EPC1: variants seen among roughly 807,000 people sequenced by gnomAD.
The protein encoded by EPC1 is enhancer of polycomb homolog 1.
A neutral mutation model predicts 98.4 loss-of-function variants in EPC1; 12 were observed. That is an observed-to-expected ratio of 0.12 (90% CI 0.08 to 0.20). The LOEUF (loss-of-function observed/expected upper bound fraction) is 0.20, where lower values mean the gene tolerates loss of function less well. EPC1 is among the 10% of genes least tolerant of loss of function. The pLI is 1.00. For synonymous variants in EPC1, 357 were observed against 363.9 expected (o/e 0.98, Z 0.21); for missense variants, 729 against 990.5 (o/e 0.74, Z 3.54).
chr10:32,360,755 G>T (rs771263542), intron 1 of EPC1, among the ~76,000 whole-genome samples: 10 of 152,098 alleles, frequency 6.6e-5, no homozygotes, highest in Admixed American at 5.9e-4. Flanking sequence ...TTAGCCAGGC[G>T]CAGTGGCCTG....
chr10:32,274,865 CAT>C (rs749889182), intron 10 of EPC1, among the ~76,000 whole-genome samples: 4 of 152,082 alleles, frequency 2.6e-5, no homozygotes, highest in Non-Finnish European at 4.4e-5. Flanking sequence ...CAAATAATTT[CAT>C]AGTTAATATT....
rs537047217 is a variant in EPC1, at chr10:32,338,887, G to A, written c.153+7876C>T. On this transcript the variant is annotated intron_variant, in intron 1 of 13. Coordinates refer to ENST00000319778, the MANE Select transcript of EPC1 (RefSeq NM_001272004.3). Reference sequence around the variant, plus strand: ...CAGGAGGCTGAGGCTGCAATGAGCCGAGATCACACCACTACACTCCAGCCT... The same window carrying A: ...CAGGAGGCTGAGGCTGCAATGAGCCAAGATCACACCACTACACTCCAGCCT... Among the ~76,000 whole-genome samples, 11 of 149,322 alleles carry A rather than the reference G, an allele frequency of 7.4e-5. No individual in the cohort carries two copies. The South Asian group carries it at 1.3e-3, about 17-fold the overall frequency.
In EPC1 at chr10:32,293,852, T is replaced by C. The variant is rs562000943; in HGVS notation, c.314-115A>G. 4.0e-5 allele frequency: 42 copies of C among 1,059,296 alleles called. No individual in the cohort carries two copies. The African/African-American group carries it at 5.8e-4, about 15-fold the overall frequency. The allele number at this position is 1,059,296 out of a possible 1,614,324, so 65.6% of individuals were successfully genotyped here. A position where few individuals can be genotyped will look rare whatever the true frequency, so the allele number is the denominator to read the frequency against. ...TTCTAAAGAAATAAGAAAGAATTCT[T>C]GGATTTTGTTTTCAGAGTCGCAAAC... On this transcript the variant is annotated intron_variant, in intron 2 of 13. Transcript: ENST00000319778.
At chr10:32,313,536 G>C (rs531258447) in intron 1 of EPC1, among the ~76,000 whole-genome samples, 1 of 152,326 alleles carries the variant, frequency 6.6e-6, no homozygotes, top group African/African-American at 2.4e-5. Context: ...TTTATCAGTG[G>C]AGAAAGTGAC....
intron 1 of EPC1, among the ~76,000 whole-genome samples, chr10:32,313,923 G>C (rs67619691): frequency 0.11 from 16,199 of 151,902 alleles, 945 homozygotes; most frequent in Admixed American, 0.13. Context: ...AAAGAGAAGA[G>C]GGAATAGAGG....
At chr10:32,345,694 C>T in intron 1 of EPC1, 1 of 908,010 alleles carries the variant, frequency 1.1e-6, no homozygotes. Flanking sequence ...GGTAAAGCCA[C>T]AGCGATGGTA....
chr10:32,281,319 C>T (rs1836400027), intron 10 of EPC1, among the ~76,000 whole-genome samples: 1 of 152,170 alleles, frequency 6.6e-6, no homozygotes, highest in Admixed American at 6.6e-5. Context: ...GCTGGGATTA[C>T]AGGCATGACC....
chr10:32,273,940 A>G (rs1217221169), intron 10 of EPC1: 1 of 152,142 alleles, frequency 6.6e-6, no homozygotes, highest in African/African-American at 2.4e-5. Flanking sequence ...AATCCAGTCA[A>G]TAAGAACGGA....
At chr10:32,280,608 G>A (rs183580678) in intron 10 of EPC1, among the ~76,000 whole-genome samples, 6 of 152,174 alleles carry the variant, frequency 3.9e-5, no homozygotes, top group East Asian at 3.9e-4. Flanking sequence ...GCATGGTGGC[G>A]GGTGCCTGTA....
At chr10:32,282,969 T>C (rs866141976) in intron 10 of EPC1, 2 of 152,352 alleles carry the variant, frequency 1.3e-5, no homozygotes, top group Middle Eastern at 3.4e-3. Flanking sequence ...CTTAAGACTA[T>C]AAAAGTAGAG....
intron 1 of EPC1, among the ~76,000 whole-genome samples, chr10:32,343,737 A>G (rs1385104143): frequency 6.6e-6 from 1 of 151,796 alleles, no homozygotes; most frequent in East Asian, 1.9e-4. Context: ...TGTTTCTTAA[A>G]AAGTCTGCCT....
At chr10:32,308,491 C>T (rs1039524243) in intron 1 of EPC1, among the ~76,000 whole-genome samples, 29 of 152,198 alleles carry the variant, frequency 1.9e-4, no homozygotes, top group Non-Finnish European at 3.5e-4. Context: ...AACAAATTCA[C>T]CTTTGTCAGG....
At chr10:32,303,960 C>T (rs1014785450) in intron 2 of EPC1, among the ~76,000 whole-genome samples, 3 of 152,204 alleles carry the variant, frequency 2.0e-5, no homozygotes, top group South Asian at 4.1e-4. Flanking sequence ...TACAGGGCAG[C>T]TAACACAAAT....
At chr10:32,339,832 G>C (rs1838224132) in intron 1 of EPC1, among the ~76,000 whole-genome samples, 1 of 152,162 alleles carries the variant, frequency 6.6e-6, no homozygotes, top group Non-Finnish European at 1.5e-5. Flanking sequence ...GAAATGCAGA[G>C]ACTAAAGTTC....
intron 1 of EPC1, among the ~76,000 whole-genome samples, chr10:32,373,601 A>G (rs1340931246): frequency 6.6e-6 from 1 of 152,150 alleles, no homozygotes; most frequent in Admixed American, 6.5e-5. Context: ...AATGAGCTCT[A>G]AGAAACACTG....
At position 32,268,770 on chromosome 10, in the gene EPC1, G is replaced by A. The variant is rs1435917170; in HGVS notation, c.*293C>T. ...TTTCCCTCCCACCCCCCACCCCCAA[G>A]TGCAAAGCATCACAAATGAACATTT... On this transcript the variant is annotated 3_prime_UTR_variant, in exon 14 of 14. Coordinates refer to ENST00000319778, the MANE Select transcript of EPC1 (RefSeq NM_001272004.3). 2 of 115,828 alleles carry A rather than the reference G, an allele frequency of 1.7e-5. No homozygotes were observed. The highest frequency in any genetic ancestry group is 3.5e-5 in the African/African-American group (1 of 28,444). 7.2% of individuals were successfully genotyped at this position (115,828 alleles called of 1,614,324 possible).
intron 1 of EPC1, among the ~76,000 whole-genome samples, chr10:32,329,140 G>A (rs759136949): frequency 4.6e-5 from 7 of 152,192 alleles, no homozygotes; most frequent in Non-Finnish European, 1.0e-4. Context: ...ATGCAGCTAT[G>A]TTTCTTGTTC....
intron 1 of EPC1, among the ~76,000 whole-genome samples, chr10:32,328,735 G>A (rs1408138453): frequency 6.6e-6 from 1 of 152,200 alleles, no homozygotes; most frequent in Non-Finnish European, 1.5e-5. Flanking sequence ...GGGGCTGTGG[G>A]GGGATTTCTG....
At chr10:32,287,866 A>G (rs556909138) in intron 6 of EPC1, among the ~76,000 whole-genome samples, 1 of 152,302 alleles carries the variant, frequency 6.6e-6, no homozygotes, top group East Asian at 1.9e-4. Flanking sequence ...GGATAAAGAT[A>G]TGAAATCATT....
Sources: gnomAD v4.1 joint callset for allele counts (sites outside exome capture counted in the v4.1 genomes callset) on GRCh38, gnomAD v4.1.1 for gene constraint, MANE v1.5 for transcripts, NCBI Gene and HGNC (gene_info 2026-07-23, HGNC 2026-07-21) for gene names.